The following FMNL2 variants were observed in gnomAD, a reference collection of about 807,000 sequenced individuals.
FMNL2 encodes the protein formin like 2, also known as formin-like protein 2.
A neutral mutation model predicts 130.2 loss-of-function variants in FMNL2; 51 were observed. The observed-to-expected ratio is 0.39, with a 90% CI of 0.31 to 0.49. FMNL2 has a LOEUF of 0.49. FMNL2 is among the 20% of genes least tolerant of loss of function. The pLI is 0.85. For missense variants in FMNL2, 977 were observed against 1,316.2 expected, an observed-to-expected ratio of 0.74 and a Z score of 3.99; for synonymous variants, 465 against 467.1, an observed-to-expected ratio of 1.00 and a Z score of 0.06.
chr2:152,536,902 C>G (rs1003001007), intron 2 of FMNL2, among the ~76,000 whole-genome samples: 11 of 152,188 alleles, frequency 7.2e-5, no homozygotes, highest in African/African-American at 2.7e-4. Context: ...TGTTCTGAGT[C>G]TAGCTCACAC....
chr2:152,416,153 G>A (rs1381416451), intron 1 of FMNL2, among the ~76,000 whole-genome samples: 1 of 152,108 alleles, frequency 6.6e-6, no homozygotes, highest in Non-Finnish European at 1.5e-5. Flanking sequence ...TGGACATACG[G>A]CTCATTTTCC....
At chr2:152,401,898 C>CTTT (rs70974858) in intron 1 of FMNL2, among the ~76,000 whole-genome samples, 1,108 of 78,570 alleles carry the variant, frequency 0.014, 28 homozygotes, top group African/African-American at 0.02. Flanking sequence ...TGTGTTTAAT[C>CTTT]TTTTTTTTTT....
intron 12 of FMNL2, among the ~76,000 whole-genome samples, chr2:152,616,180 C>T: frequency 6.6e-6 from 1 of 152,102 alleles, no homozygotes; most frequent in South Asian, 2.1e-4. Context: ...ATGTGAAAAG[C>T]AGCTGTTTAA....
intron 1 of FMNL2, among the ~76,000 whole-genome samples, chr2:152,376,082 CG>C (rs1305519927): frequency 1.3e-5 from 2 of 151,592 alleles, no homozygotes; most frequent in African/African-American, 4.8e-5. Context: ...TTAGTAGAGA[CG>C]GGGTTTCACC....
intron 6 of FMNL2, among the ~76,000 whole-genome samples, chr2:152,572,010 C>A (rs2105670076): frequency 6.6e-6 from 1 of 151,830 alleles, no homozygotes; most frequent in East Asian, 1.9e-4. Flanking sequence ...CTGAATTCAG[C>A]CTTATTGTTA....
At chr2:152,438,776 T>C (rs1687908410) in intron 1 of FMNL2, among the ~76,000 whole-genome samples, 1 of 152,168 alleles carries the variant, frequency 6.6e-6, no homozygotes, top group African/African-American at 2.4e-5. Flanking sequence ...TTTGCAGTCA[T>C]AGCGTCAGGG....
chr2:152,622,425 G>T, intron 15 of FMNL2: 1 of 453,026 alleles, frequency 2.2e-6, no homozygotes, highest in Non-Finnish European at 4.5e-6. Flanking sequence ...CTTGTGAAAT[G>T]TGTCCAAGAA....
At chr2:152,377,061 C>T (rs912315876) in intron 1 of FMNL2, among the ~76,000 whole-genome samples, 1 of 152,190 alleles carries the variant, frequency 6.6e-6, no homozygotes, top group African/African-American at 2.4e-5. Flanking sequence ...CAATCTCTCT[C>T]GAGTTACTGA....
intron 3 of FMNL2, among the ~76,000 whole-genome samples, chr2:152,546,405 TAAAC>T (rs1694638132): frequency 6.6e-6 from 1 of 151,946 alleles, no homozygotes; most frequent in African/African-American, 2.4e-5. Flanking sequence ...CAGCCTCTCT[TAAAC>T]AGCCAGATCT....
At chr2:152,512,432 A>G (rs1692538999) in intron 1 of FMNL2, among the ~76,000 whole-genome samples, 1 of 152,280 alleles carries the variant, frequency 6.6e-6, no homozygotes, top group Non-Finnish European at 1.5e-5. Flanking sequence ...TATGGGGAGT[A>G]GTAGGAAGAT....
intron 1 of FMNL2, chr2:152,390,296 T>C (rs1685038816): frequency 3.1e-6 from 4 of 1,307,566 alleles, no homozygotes; most frequent in East Asian, 2.3e-5. Context: ...CAATCATCGA[T>C]GGGGAGCTCT....
intron 1 of FMNL2, among the ~76,000 whole-genome samples, chr2:152,406,872 C>T (rs1351975393): frequency 6.6e-6 from 1 of 152,060 alleles, no homozygotes; most frequent in Non-Finnish European, 1.5e-5. Flanking sequence ...ATAACTGAAA[C>T]ATTTTTATAA....
At chr2:152,455,655 G>A (rs1156664792) in intron 1 of FMNL2, among the ~76,000 whole-genome samples, 1 of 152,098 alleles carries the variant, frequency 6.6e-6, no homozygotes, top group African/African-American at 2.4e-5. Flanking sequence ...ACATAAGCAG[G>A]TAGCTTTTAA....
chr2:152,602,363 C>T (rs1173457055), intron 9 of FMNL2, among the ~76,000 whole-genome samples: 1 of 152,138 alleles, frequency 6.6e-6, no homozygotes, highest in Admixed American at 6.5e-5. Flanking sequence ...CATACTTTTC[C>T]AGGGCATATA....
chr2:152,589,974 T>C (rs1195847480), intron 9 of FMNL2, among the ~76,000 whole-genome samples: 2 of 53,886 alleles, frequency 3.7e-5, no homozygotes, highest in African/African-American at 8.5e-5. Context: ...TATATATATA[T>C]ATATATATAT....
rs142516214 is a variant in FMNL2 at position 152,409,430 on chromosome 2, C to G, written c.117+73710C>G. On this transcript the variant is annotated intron_variant, in intron 1 of 25. Transcript: ENST00000288670. ...AACTAGTTTGAGAGCCCCTCCCCTG[C>G]TGCTTTTTTCAGAAGTTTAAAAAGG... 6.7e-4 allele frequency among the ~76,000 whole-genome samples: 102 copies of G among 152,256 alleles called. 1 individual carries two copies. The East Asian group carries it at 0.017, about 26-fold the overall frequency.
At chr2:152,599,682 A>C (rs1034079745) in intron 9 of FMNL2, among the ~76,000 whole-genome samples, 3 of 152,134 alleles carry the variant, frequency 2.0e-5, no homozygotes, top group African/African-American at 7.2e-5. Flanking sequence ...ATGCGAATGA[A>C]ACCTCAGGCT....
rs796375417 is a variant in FMNL2 at position 152,432,214 on chromosome 2, C to CT, written c.118-89718dup. ...AGGGGACTGGTGGTTGGTTGCATTTCTTTTTTTTTTTAACAGTCTCAGATG... is the reference window on the plus strand; with the variant it reads ...AGGGGACTGGTGGTTGGTTGCATTTCTTTTTTTTTTTTAACAGTCTCAGATG... On this transcript the variant is annotated intron_variant, in intron 1 of 25. Coordinates refer to ENST00000288670, the MANE Select transcript of FMNL2 (RefSeq NM_052905.4). 2.0e-3 allele frequency among the ~76,000 whole-genome samples: 285 copies of CT among 145,080 alleles called. 1 individual carries two copies. The highest frequency in any genetic ancestry group is 3.5e-3 in the Middle Eastern group (1 of 284).
chr2:152,341,227 C>T (rs1160436096), intron 1 of FMNL2, among the ~76,000 whole-genome samples: 1 of 152,134 alleles, frequency 6.6e-6, no homozygotes, highest in African/African-American at 2.4e-5. Flanking sequence ...TACAGTTTCA[C>T]CCTAGGCAGT....
Sources: allele counts gnomAD v4.1 joint callset (sites outside exome capture counted in the v4.1 genomes callset), GRCh38; gene constraint gnomAD v4.1.1; transcripts MANE v1.5; gene names NCBI Gene and HGNC (gene_info 2026-07-23, HGNC 2026-07-21).